The following ZNF664 variants were observed in gnomAD, a reference collection of about 807,000 sequenced individuals.
ZNF664 encodes zinc finger protein 664.
ZNF664 carries 10 observed loss-of-function variants against 18.2 expected under a neutral mutation model. The observed-to-expected ratio is 0.55, with a 90% CI of 0.34 to 0.93. The LOEUF (loss-of-function observed/expected upper bound fraction) is 0.93, where lower values mean the gene tolerates loss of function less well. Among genes scored for constraint, ZNF664 ranks in the 40% least tolerant of loss-of-function variants. The pLI, the probability that ZNF664 is intolerant of heterozygous loss-of-function variation, is 0.02. For synonymous variants in ZNF664, 119 were observed against 104.2 expected (o/e 1.14, Z -0.86); for missense variants, 193 against 319.0 (o/e 0.61, Z 3.01).
intron 2 of ZNF664, among the ~76,000 whole-genome samples, chr12:123,986,432 C>T (rs1048119514): frequency 1.3e-5 from 2 of 152,248 alleles, no homozygotes; most frequent in East Asian, 1.9e-4. Context: ...TTTTTCCCTC[C>T]TCTGTATGTC....
At chr12:124,008,066 C>T (rs1957094076) in intron 3 of ZNF664, among the ~76,000 whole-genome samples, 1 of 152,174 alleles carries the variant, frequency 6.6e-6, no homozygotes, top group Admixed American at 6.5e-5. Flanking sequence ...AAAGAAGTTC[C>T]TCTGATTACA....
chr12:123,974,103 G>C, intron 2 of ZNF664, 83 bp downstream of exon 2: 1 of 1,018,628 alleles, frequency 9.8e-7, no homozygotes. Flanking sequence ...CTCGACTGCA[G>C]TTTTCTCACT....
intron 3 of ZNF664, among the ~76,000 whole-genome samples, chr12:124,007,353 C>T (rs1447740609): frequency 1.3e-5 from 2 of 152,166 alleles, no homozygotes; most frequent in East Asian, 1.9e-4. Flanking sequence ...GCTAGGCTGG[C>T]GGAGTACCCT....
chr12:123,997,484 TGTG>T (rs1956963410), intron 3 of ZNF664, among the ~76,000 whole-genome samples: 1 of 152,214 alleles, frequency 6.6e-6, no homozygotes, highest in African/African-American at 2.4e-5. Flanking sequence ...CTTCCTAGCT[TGTG>T]GTGGTTGCTA....
chr12:123,975,775 C>CAT (rs1410235185), intron 2 of ZNF664, among the ~76,000 whole-genome samples: 1 of 152,162 alleles, frequency 6.6e-6, no homozygotes, highest in Non-Finnish European at 1.5e-5. Context: ...TGTGAATAAA[C>CAT]ATATTAGCAA....
In ZNF664 at chr12:124,013,097, C is replaced by T. The variant is rs1346863900; in HGVS notation, c.*167C>T. ...TTTGTTGGTTCATGCCAAGTGTGTT[C>T]CACAGGTTGACTTTGAATGTGGACC... On this transcript the variant is annotated 3_prime_UTR_variant, in exon 5 of 5. Transcript: ENST00000337815. 1.2e-5 allele frequency: 12 copies of T among 986,632 alleles called. No homozygotes were observed. The highest frequency in any genetic ancestry group is 6.7e-5 in the African/African-American group (4 of 59,872). The allele number at this position is 986,632 out of a possible 1,614,324, so 61.1% of individuals were successfully genotyped here. A position where few individuals can be genotyped will look rare whatever the true frequency, so the allele number is the denominator to read the frequency against.
At chr12:123,984,354 G>A (rs1356899449) in intron 2 of ZNF664, among the ~76,000 whole-genome samples, 1 of 152,150 alleles carries the variant, frequency 6.6e-6, no homozygotes, top group Non-Finnish European at 1.5e-5. Context: ...AGAGAAGGCC[G>A]ACAATGAGAG....
chr12:123,992,051 A>G (rs1411366166), intron 3 of ZNF664, among the ~76,000 whole-genome samples: 1 of 152,208 alleles, frequency 6.6e-6, no homozygotes, highest in African/African-American at 2.4e-5. Context: ...TATCTTCCCT[A>G]TAGCTCATTA....
At chr12:123,996,269 CACTT>C (rs1361370153) in intron 3 of ZNF664, among the ~76,000 whole-genome samples, 1 of 152,202 alleles carries the variant, frequency 6.6e-6, no homozygotes, top group Non-Finnish European at 1.5e-5. Context: ...CTTGAGGTCA[CACTT>C]AGTAAGTGGG....
At chr12:123,987,513 G>A (rs1232762567) in intron 2 of ZNF664, among the ~76,000 whole-genome samples, 4 of 152,170 alleles carry the variant, frequency 2.6e-5, no homozygotes, top group Non-Finnish European at 5.9e-5. Flanking sequence ...TACCTTATCA[G>A]ATCAGCTGCC....
At chr12:123,980,054 T>C (rs1238843404) in intron 2 of ZNF664, among the ~76,000 whole-genome samples, 2 of 152,146 alleles carry the variant, frequency 1.3e-5, no homozygotes, top group Admixed American at 1.3e-4. Flanking sequence ...TAGAATATAC[T>C]GTTGAGCCAA....
chr12:123,993,841 T>A (rs1956915994), intron 3 of ZNF664, among the ~76,000 whole-genome samples: 1 of 152,204 alleles, frequency 6.6e-6, no homozygotes, highest in African/African-American at 2.4e-5. Flanking sequence ...CTGATCATTT[T>A]TGAGGAGGAG....
intron 3 of ZNF664, chr12:123,998,841 T>C (rs1594564547): frequency 6.6e-6 from 1 of 152,544 alleles, no homozygotes; most frequent in South Asian, 2.1e-4. Flanking sequence ...TGTGTGCAGC[T>C]CTGACCCTGT....
chr12:124,008,996 T>C (rs1957105149), intron 3 of ZNF664, among the ~76,000 whole-genome samples: 1 of 152,138 alleles, frequency 6.6e-6, no homozygotes, highest in Admixed American at 6.5e-5. Context: ...CCAGGTCTTT[T>C]TGGTGATAAC....
At chr12:123,975,415 C>T (rs1956677101) in intron 2 of ZNF664, among the ~76,000 whole-genome samples, 1 of 148,936 alleles carries the variant, frequency 6.7e-6, no homozygotes, top group African/African-American at 2.5e-5. Context: ...TTTTCTTCCT[C>T]TTCATTAAAA....
chr12:123,994,020 T>C (rs1013070320), intron 3 of ZNF664, among the ~76,000 whole-genome samples: 1 of 152,220 alleles, frequency 6.6e-6, no homozygotes, highest in Non-Finnish European at 1.5e-5. Context: ...GAATCCTTTA[T>C]AAAGCATCTC....
chr12:123,974,724 T>C (rs1447217161), intron 2 of ZNF664, among the ~76,000 whole-genome samples: 1 of 152,254 alleles, frequency 6.6e-6, no homozygotes, highest in Non-Finnish European at 1.5e-5. Context: ...CATTTTTGAC[T>C]GCTTTAACAA....
At position 124,014,758 on chromosome 12, in the gene ZNF664, A is replaced by G. The variant is rs370474871; in HGVS notation, c.*1828A>G. ...CTGTTTGACTGGAAGGGGTTTTTGTATAACTAAAACCTCAGCGCATAAAGG... is the reference window on the plus strand; with the variant it reads ...CTGTTTGACTGGAAGGGGTTTTTGTGTAACTAAAACCTCAGCGCATAAAGG... On this transcript the variant is annotated 3_prime_UTR_variant, in exon 5 of 5. Transcript: ENST00000337815. The G allele has an allele frequency of 9.6e-5, 16 of 166,820 alleles. No homozygotes were observed. Among genetic ancestry groups the G allele is most frequent in the African/African-American group, 2.9e-4 (12 of 41,450 alleles). The allele number at this position is 166,820 out of a possible 1,614,324, so 10.3% of individuals were successfully genotyped here.
At chr12:123,983,882 C>A (rs1956794720) in intron 2 of ZNF664, among the ~76,000 whole-genome samples, 1 of 152,172 alleles carries the variant, frequency 6.6e-6, no homozygotes, top group South Asian at 2.1e-4. Context: ...TGTGGTAAGC[C>A]TCCAGACTCA....
Sources: allele counts gnomAD v4.1 joint callset (sites outside exome capture counted in the v4.1 genomes callset), GRCh38; gene constraint gnomAD v4.1.1; transcripts MANE v1.5; gene names NCBI Gene and HGNC (gene_info 2026-07-23, HGNC 2026-07-21).